FLRT1: variants seen among roughly 807,000 people sequenced by gnomAD.
The protein encoded by FLRT1 is fibronectin leucine rich transmembrane protein 1, also known as leucine-rich repeat transmembrane protein FLRT1.
Under a neutral mutation model 30.9 loss-of-function variants are expected in FLRT1, and 14 were observed. The ratio of observed to expected loss-of-function variants is 0.45; its 90% CI spans 0.30 to 0.71. The LOEUF (loss-of-function observed/expected upper bound fraction) is 0.71, where lower values mean the gene tolerates loss of function less well. FLRT1 is among the 30% of genes least tolerant of loss of function. The probability of loss-of-function intolerance (pLI) is 0.08; values close to 1 mark genes in which losing one functional copy is unlikely to be tolerated. For synonymous variants in FLRT1, 368 were observed against 430.4 expected (o/e 0.85, Z 1.80); for missense variants, 737 against 949.2 (o/e 0.78, Z 2.94).
chr11:64,047,150 A>G (rs894372404), intron 1 of FLRT1, among the ~76,000 whole-genome samples: 50 of 152,168 alleles, frequency 3.3e-4, no homozygotes, highest in Non-Finnish European at 6.0e-4. Context: ...AAGGCGGTGC[A>G]GGTGGCACTG....
chr11:64,038,690 C>T (rs1343842153), intron 1 of FLRT1, among the ~76,000 whole-genome samples: 1 of 152,186 alleles, frequency 6.6e-6, no homozygotes, highest in Non-Finnish European at 1.5e-5. Context: ...AGAGATGGGG[C>T]CTGTATGGGA....
At chr11:64,061,673 A>C (rs1943906170) in intron 1 of FLRT1, among the ~76,000 whole-genome samples, 1 of 151,458 alleles carries the variant, frequency 6.6e-6, no homozygotes, top group South Asian at 2.1e-4. Flanking sequence ...ATCAAGGTCC[A>C]ATTTTAATTT....
At chr11:64,101,472 T>G (rs1196667210) in intron 1 of FLRT1, among the ~76,000 whole-genome samples, 2 of 152,038 alleles carry the variant, frequency 1.3e-5, no homozygotes, top group African/African-American at 4.8e-5. Context: ...GACTGGAGCC[T>G]CTGGGCTCCC....
At chr11:64,047,897 C>CAA (rs35010371) in intron 1 of FLRT1, among the ~76,000 whole-genome samples, 5,911 of 89,000 alleles carry the variant, frequency 0.066, 213 homozygotes, top group South Asian at 0.18. Flanking sequence ...AACTCCGTCT[C>CAA]AAAAAAAAAA....
chr11:64,077,779 T>A (rs1032906324), intron 1 of FLRT1, among the ~76,000 whole-genome samples: 2 of 152,244 alleles, frequency 1.3e-5, no homozygotes, highest in Non-Finnish European at 2.9e-5. Flanking sequence ...GTGGCTGGAC[T>A]GGGCCCTGGC....
At chr11:64,054,907 G>T (rs970214978) in intron 1 of FLRT1, among the ~76,000 whole-genome samples, 2 of 151,956 alleles carry the variant, frequency 1.3e-5, no homozygotes, top group African/African-American at 4.8e-5. Context: ...TTTCTGTCTT[G>T]GTGACCGCCC....
intron 1 of FLRT1, among the ~76,000 whole-genome samples, chr11:64,070,211 T>C (rs1377165491): frequency 6.6e-6 from 1 of 152,030 alleles, no homozygotes; most frequent in Non-Finnish European, 1.5e-5. Context: ...GTGAGGTGAA[T>C]CCCTGCTGCA....
At chr11:64,071,707 C>T (rs1944110538) in intron 1 of FLRT1, among the ~76,000 whole-genome samples, 1 of 152,194 alleles carries the variant, frequency 6.6e-6, no homozygotes, top group Admixed American at 6.5e-5. Context: ...GTCATGAGAC[C>T]AAGGCCCTTT....
At chr11:64,115,948 C>T (rs532008781) in intron 2 of FLRT1, among the ~76,000 whole-genome samples, 22 of 152,314 alleles carry the variant, frequency 1.4e-4, no homozygotes, top group African/African-American at 4.8e-4. Flanking sequence ...AGGAGGGCCG[C>T]GGCAGCACGG....
At chr11:64,038,776 G>A in intron 1 of FLRT1, among the ~76,000 whole-genome samples, 1 of 152,294 alleles carries the variant, frequency 6.6e-6, no homozygotes, top group Non-Finnish European at 1.5e-5. Flanking sequence ...CATCCCTGTT[G>A]ATTGTGTTCC....
Position 64,064,842 on chromosome 11 carries a change from CCTCA to C in FLRT1, c.-1038+28684_-1038+28687del, listed in dbSNP as rs1943967435. Among the ~76,000 whole-genome samples the C allele has an allele frequency of 8.8e-6, 1 of 114,282 alleles. No homozygotes were observed. The highest frequency in any genetic ancestry group is 4.6e-5 in the African/African-American group (1 of 21,734). The allele number at this position is 114,282 out of a possible 152,430, so 75.0% of individuals were successfully genotyped here. A position where few individuals can be genotyped will look rare whatever the true frequency, so the allele number is the denominator to read the frequency against. ...CCAAGAGGCTAGAGTTTCACAAGGA[CCTCA>C]TTCATTCATTCATTCATTCATTCAT... is the stretch of plus-strand genomic sequence containing the variant. On this transcript the variant is annotated intron_variant, in intron 1 of 2. Coordinates refer to ENST00000682287, the MANE Select transcript of FLRT1 (RefSeq NM_013280.5). This position sits in a 1 kb window ranked among gnomAD's most constrained non-coding sequence, Gnocchi z 4.5.
intron 1 of FLRT1, among the ~76,000 whole-genome samples, chr11:64,072,010 T>C (rs1284173330): frequency 6.6e-6 from 1 of 152,182 alleles, no homozygotes; most frequent in African/African-American, 2.4e-5. Context: ...AGCAGGTCGA[T>C]AGCAAAACAA....
chr11:64,108,359 G>A (rs1195055522), intron 2 of FLRT1, among the ~76,000 whole-genome samples: 5 of 151,814 alleles, frequency 3.3e-5, no homozygotes, highest in African/African-American at 1.2e-4. Context: ...CCCCACAGTA[G>A]GCTGAGCAGC....
chr11:64,065,585 C>G (rs184881625), intron 1 of FLRT1, among the ~76,000 whole-genome samples: 28 of 151,746 alleles, frequency 1.8e-4, no homozygotes, highest in East Asian at 7.8e-4. Context: ...GTCAGGAGAT[C>G]AAGACCATCC....
chr11:64,057,355 G>A (rs1943806295), intron 1 of FLRT1, among the ~76,000 whole-genome samples: 1 of 152,194 alleles, frequency 6.6e-6, no homozygotes, highest in Non-Finnish European at 1.5e-5. Context: ...GCTCTTGCTC[G>A]GTGAACAGTT....
At chr11:64,076,824 C>A (rs1481786424) in intron 1 of FLRT1, among the ~76,000 whole-genome samples, 4 of 152,176 alleles carry the variant, frequency 2.6e-5, no homozygotes, top group African/African-American at 9.7e-5. Flanking sequence ...GCGTGAGCAG[C>A]CCCCCGGTCC....
chr11:64,045,388 G>T (rs1016675522), intron 1 of FLRT1, among the ~76,000 whole-genome samples: 2 of 152,242 alleles, frequency 1.3e-5, no homozygotes, highest in African/African-American at 4.8e-5. Flanking sequence ...ACCTGGGCAT[G>T]TTGATAATTT....
intron 2 of FLRT1, among the ~76,000 whole-genome samples, chr11:64,110,698 G>C (rs1944846505): frequency 1.3e-5 from 2 of 152,142 alleles, no homozygotes; most frequent in African/African-American, 4.8e-5. Context: ...CATGGAGCTG[G>C]CAGGTCGTAA....
chr11:64,112,187 G>A (rs1944874745), intron 2 of FLRT1, among the ~76,000 whole-genome samples: 1 of 152,144 alleles, frequency 6.6e-6, no homozygotes, highest in Non-Finnish European at 1.5e-5. Context: ...CCCTGCCCTT[G>A]TAGAGCGTAC....
Sources: gnomAD v4.1 joint callset for allele counts (sites outside exome capture counted in the v4.1 genomes callset) on GRCh38, gnomAD v4.1.1 for gene constraint, Gnocchi (gnomAD v3.1) non-coding constraint, MANE v1.5 for transcripts, NCBI Gene and HGNC (gene_info 2026-07-23, HGNC 2026-07-21) for gene names.